KAZN: variants seen among roughly 807,000 people sequenced by gnomAD.
KAZN encodes kazrin.
In KAZN, 40 loss-of-function variants were observed where a neutral mutation model predicts 87.4. The ratio of observed to expected loss-of-function variants is 0.46; its 90% CI spans 0.36 to 0.60. KAZN has a LOEUF of 0.60. Ranked by LOEUF, KAZN falls within the 20% of genes least tolerant of loss-of-function variation. KAZN has a pLI of 0.00. For missense variants in KAZN, 898 were observed against 1,073.9 expected (o/e 0.84, Z 2.29); for synonymous variants, 466 against 458.3 (o/e 1.02, Z -0.22).
intron 1 of KAZN, among the ~76,000 whole-genome samples, chr1:14,766,900 A>G (rs1486317351): frequency 6.6e-6 from 1 of 151,978 alleles, no homozygotes; most frequent in Non-Finnish European, 1.5e-5. Flanking sequence ...CCCTTTAGCT[A>G]TCGTTCAAGC....
intron 1 of KAZN, among the ~76,000 whole-genome samples, chr1:14,843,259 T>C (rs539508514): frequency 8.6e-5 from 13 of 152,032 alleles, no homozygotes; most frequent in African/African-American, 3.1e-4. Context: ...GGAGAGAGAA[T>C]CCAGAAAAGA....
chr1:14,446,349 A>G (rs1412595226), intron 2 of KAZN, among the ~76,000 whole-genome samples: 1 of 152,328 alleles, frequency 6.6e-6, no homozygotes, highest in East Asian at 1.9e-4. Flanking sequence ...CCCAGGGCCC[A>G]GTACATAGCA....
At chr1:14,319,821 C>A (rs1274467446) in intron 2 of KAZN, among the ~76,000 whole-genome samples, 2 of 152,164 alleles carry the variant, frequency 1.3e-5, no homozygotes, top group Non-Finnish European at 2.9e-5. Context: ...GGAGGATAAA[C>A]CCACTCCCTG....
chr1:14,679,742 TAGAG>T (rs1435646541), intron 1 of KAZN, among the ~76,000 whole-genome samples: 2 of 152,080 alleles, frequency 1.3e-5, no homozygotes, highest in Non-Finnish European at 2.9e-5. Context: ...AACTGAGGCT[TAGAG>T]AGGTAAGAAA....
intron 11 of KAZN, 128 bp downstream of exon 11, chr1:15,101,902 A>C (rs1338242284): frequency 9.0e-6 from 6 of 668,714 alleles, no homozygotes; most frequent in Non-Finnish European, 1.6e-5. Flanking sequence ...TCCATCATCC[A>C]GCCATCCATT....
intron 2 of KAZN, among the ~76,000 whole-genome samples, chr1:14,237,030 T>G (rs1648490844): frequency 6.6e-6 from 1 of 152,246 alleles, no homozygotes; most frequent in Non-Finnish European, 1.5e-5. Context: ...CAGGGGCATA[T>G]GCCTGCATTC....
intron 1 of KAZN, among the ~76,000 whole-genome samples, chr1:13,994,765 G>T (rs934282604): frequency 6.6e-6 from 1 of 152,120 alleles, no homozygotes; most frequent in Non-Finnish European, 1.5e-5. Flanking sequence ...GATAAGTAAG[G>T]TTTAACAAGG....
At chr1:14,848,865 C>T (rs553375803) in intron 1 of KAZN, among the ~76,000 whole-genome samples, 55 of 152,304 alleles carry the variant, frequency 3.6e-4, no homozygotes, top group African/African-American at 1.3e-3. Flanking sequence ...CGTAGCGTGT[C>T]CTGGGAGCGC....
At chr1:14,256,700 A>C (rs933626625) in intron 2 of KAZN, among the ~76,000 whole-genome samples, 2 of 152,160 alleles carry the variant, frequency 1.3e-5, no homozygotes, top group African/African-American at 2.4e-5. Flanking sequence ...GTTCTGTCAT[A>C]TGTAAGGGGC....
chr1:14,017,801 C>G (rs1570537362), intron 1 of KAZN, among the ~76,000 whole-genome samples: 1 of 152,204 alleles, frequency 6.6e-6, no homozygotes, highest in Non-Finnish European at 1.5e-5. Flanking sequence ...GGAGCTACCA[C>G]AAAGCATGCT....
intron 1 of KAZN, among the ~76,000 whole-genome samples, chr1:14,939,223 C>T (rs923548040): frequency 1.3e-5 from 2 of 152,134 alleles, no homozygotes; most frequent in African/African-American, 4.8e-5. Flanking sequence ...CAACCCACCT[C>T]GGCCTCCCAA....
intron 2 of KAZN, among the ~76,000 whole-genome samples, chr1:14,400,865 T>G (rs1663342278): frequency 6.6e-6 from 1 of 152,256 alleles, no homozygotes; most frequent in Non-Finnish European, 1.5e-5. Context: ...AGTAGTTTTT[T>G]CATGACATTC....
At chr1:13,911,582 A>T (rs918192265) in intron 1 of KAZN, among the ~76,000 whole-genome samples, 3 of 152,128 alleles carry the variant, frequency 2.0e-5, no homozygotes, top group Non-Finnish European at 4.4e-5. Flanking sequence ...AAGAAATGAG[A>T]TTCTCCTGTT....
At chr1:14,091,634 AT>A (rs1246032010) in intron 1 of KAZN, among the ~76,000 whole-genome samples, 1 of 152,256 alleles carries the variant, frequency 6.6e-6, no homozygotes, top group African/African-American at 2.4e-5. Context: ...CATTTTGATA[AT>A]GCCAAATTCA....
chr1:14,025,891 C>G (rs1007123587), intron 1 of KAZN, among the ~76,000 whole-genome samples: 2 of 152,138 alleles, frequency 1.3e-5, no homozygotes, highest in African/African-American at 4.8e-5. Flanking sequence ...AAAATACTGT[C>G]CTCTGTTTAG....
chr1:14,900,777 A>C (rs1655792765), intron 1 of KAZN, among the ~76,000 whole-genome samples: 2 of 148,474 alleles, frequency 1.3e-5, no homozygotes, highest in South Asian at 4.2e-4. Flanking sequence ...AAGAGCTATG[A>C]TCTCACCCAC....
intron 1 of KAZN, among the ~76,000 whole-genome samples, chr1:13,936,282 A>T (rs374322317): frequency 1.7e-4 from 26 of 151,108 alleles, no homozygotes; most frequent in African/African-American, 6.1e-4. Context: ...TTGTATATTT[A>T]GTAGAGACAG....
intron 1 of KAZN, among the ~76,000 whole-genome samples, chr1:14,020,883 T>C (rs1640794115): frequency 6.6e-6 from 1 of 152,212 alleles, no homozygotes; most frequent in Non-Finnish European, 1.5e-5. Flanking sequence ...TTGTCACCGT[T>C]CCTTTAGATG....
chr1:14,832,035 A>G (rs755242129), intron 1 of KAZN, among the ~76,000 whole-genome samples: 44 of 152,082 alleles, frequency 2.9e-4, no homozygotes, highest in Admixed American at 1.3e-4. Context: ...TCTCTATAAA[A>G]GTACAAAAAA....
Sources: allele counts gnomAD v4.1 joint callset (sites outside exome capture counted in the v4.1 genomes callset), GRCh38; gene constraint gnomAD v4.1.1; transcripts MANE v1.5; gene names NCBI Gene and HGNC (gene_info 2026-07-23, HGNC 2026-07-21).